C17orf67: variants seen among roughly 807,000 people sequenced by gnomAD.
C17orf67 encodes the protein uncharacterized protein C17orf67.
C17orf67 carries 12 observed loss-of-function variants against 11.2 expected under a neutral mutation model. The ratio of observed to expected loss-of-function variants is 1.07; its 90% CI spans 0.68 to 1.73. The LOEUF is 1.73. C17orf67 is among the 40% of genes most tolerant of loss of function. The pLI is 0.00. For synonymous variants in C17orf67, 59 were observed against 46.9 expected, an observed-to-expected ratio of 1.26 and a Z score of -1.05; for missense variants, 115 against 113.5, an observed-to-expected ratio of 1.01 and a Z score of -0.06.
In C17orf67 at chr17:56,832,962, A is replaced by G. The variant is rs561634133; in HGVS notation, c.-621T>C. On this transcript the variant is annotated 5_prime_UTR_variant, in exon 2 of 8. Transcript: ENST00000397861. Reference sequence around the variant, plus strand: ...TATGTCTTCTCTAATCGTTTGGAAGATATTATCAAGTATTTCTTTGCAGTT... The same window carrying G: ...TATGTCTTCTCTAATCGTTTGGAAGGTATTATCAAGTATTTCTTTGCAGTT... The G allele has an allele frequency of 2.6e-5, 4 of 152,354 alleles. No individual in the cohort carries two copies. Among genetic ancestry groups the G allele is most frequent in the South Asian group, 2.1e-4 (1 of 4,830 alleles). The allele number at this position is 152,354 out of a possible 1,614,324, so 9.4% of individuals were successfully genotyped here. A position where few individuals can be genotyped will look rare whatever the true frequency, so the allele number is the denominator to read the frequency against.
intron 6 of C17orf67, among the ~76,000 whole-genome samples, chr17:56,813,077 C>T (rs1410962353): frequency 6.6e-6 from 1 of 152,198 alleles, no homozygotes; most frequent in Non-Finnish European, 1.5e-5. Context: ...GCCTCTCGAG[C>T]ACCTTGAGCA....
chr17:56,827,938 G>A (rs1395973376), intron 2 of C17orf67, among the ~76,000 whole-genome samples: 2 of 152,132 alleles, frequency 1.3e-5, no homozygotes, highest in Non-Finnish European at 2.9e-5. Flanking sequence ...CGGTCGCAGT[G>A]GCTCACACCT....
intron 6 of C17orf67, among the ~76,000 whole-genome samples, chr17:56,807,264 A>G (rs1905475055): frequency 1.3e-5 from 2 of 152,220 alleles, no homozygotes; most frequent in South Asian, 4.1e-4. Context: ...GAAAGTGGAA[A>G]CCAAGTGAGC....
At position 56,810,159 on chromosome 17, in the gene C17orf67, C is replaced by A. The variant is rs552350259; in HGVS notation, c.156+4710G>T. 1.3e-3 allele frequency among the ~76,000 whole-genome samples: 195 copies of A among 146,836 alleles called. 1 individual carries two copies. Among genetic ancestry groups the A allele is most frequent in the African/African-American group, 4.7e-3 (187 of 39,532 alleles). On this transcript the variant is annotated intron_variant, in intron 6 of 7. Transcript: ENST00000397861. ...ACCCCTCACGCACACCCCTCACACC[C>A]CCACCTCACACACACTCCTTGAACA...
At chr17:56,819,918 T>C (rs1474020685) in intron 4 of C17orf67, among the ~76,000 whole-genome samples, 1 of 152,178 alleles carries the variant, frequency 6.6e-6, no homozygotes, top group Non-Finnish European at 1.5e-5. Context: ...CTAAGGTTAA[T>C]TATTCAAGAA....
intron 6 of C17orf67, among the ~76,000 whole-genome samples, chr17:56,802,750 T>C (rs1413637666): frequency 1.3e-5 from 2 of 152,250 alleles, no homozygotes; most frequent in Non-Finnish European, 2.9e-5. Flanking sequence ...GGAGAGCATC[T>C]TTCCCAGGAA....
chr17:56,808,532 C>T (rs898168177), intron 6 of C17orf67, among the ~76,000 whole-genome samples: 5 of 152,144 alleles, frequency 3.3e-5, no homozygotes, highest in African/African-American at 1.2e-4. Context: ...CCTTGCCTTC[C>T]TTCATCTAGG....
At chr17:56,828,520 C>A (rs928770229) in intron 2 of C17orf67, among the ~76,000 whole-genome samples, 5 of 152,136 alleles carry the variant, frequency 3.3e-5, no homozygotes, top group African/African-American at 1.2e-4. Context: ...TTATTCAAAA[C>A]TTTTTTGATG....
At position 56,821,321 on chromosome 17, in the gene C17orf67, A is replaced by G. The variant is rs539888983; in HGVS notation, c.-201+3418T>C. ...CTCCATATTTGCTTTCATCTTTTTT[A>G]CTGTCTACCTCACATGTACATTGTA... On this transcript the variant is annotated intron_variant, in intron 4 of 7. Transcript: ENST00000397861. 3.3e-5 allele frequency among the ~76,000 whole-genome samples: 5 copies of G among 152,264 alleles called. No homozygotes were observed. The East Asian group carries it at 7.7e-4, about 23-fold the overall frequency.
chr17:56,799,984 G>T (rs200774992), intron 6 of C17orf67, among the ~76,000 whole-genome samples: 1 of 140,360 alleles, frequency 7.1e-6, no homozygotes, highest in Admixed American at 7.1e-5. Flanking sequence ...TTAAAGTCAT[G>T]AAAAAAAAAA....
At chr17:56,800,395 C>T (rs1401675456) in intron 6 of C17orf67, among the ~76,000 whole-genome samples, 3 of 152,278 alleles carry the variant, frequency 2.0e-5, no homozygotes, top group Middle Eastern at 3.4e-3. Flanking sequence ...AATTTACCCA[C>T]GTTGCTTCTT....
intron 6 of C17orf67, among the ~76,000 whole-genome samples, chr17:56,799,572 A>G (rs1026653218): frequency 6.6e-6 from 1 of 152,068 alleles, no homozygotes; most frequent in Non-Finnish European, 1.5e-5. Context: ...TAAGTTTTCA[A>G]CTCCTTTGGG....
At chr17:56,816,073 T>C (rs1905755828) in intron 4 of C17orf67, 63 bp from the exon 5 acceptor site, 1 of 467,822 alleles carries the variant, frequency 2.1e-6, no homozygotes, top group Non-Finnish European at 3.7e-6. Flanking sequence ...AAAAGCAACA[T>C]GTGATATTCA....
rs561684412 is a variant in C17orf67, at chr17:56,810,156, AC to A, written c.156+4712del. On this transcript the variant is annotated intron_variant, in intron 6 of 7. Coordinates refer to ENST00000397861, the MANE Select transcript of C17orf67 (RefSeq NM_001085430.4). ...CAGACCCCTCACGCACACCCCTCACACCCCCACCTCACACACACTCCTTGAA... is the reference window on the plus strand; with the variant it reads ...CAGACCCCTCACGCACACCCCTCACACCCCACCTCACACACACTCCTTGAA... Among the ~76,000 whole-genome samples, 188 of 102,358 alleles carry A rather than the reference AC, an allele frequency of 1.8e-3. 1 individual carries two copies. The highest frequency in any genetic ancestry group is 6.9e-3 in the African/African-American group (180 of 25,944). The allele number at this position is 102,358 out of a possible 152,430, so 67.2% of individuals were successfully genotyped here. A position where few individuals can be genotyped will look rare whatever the true frequency, so the allele number is the denominator to read the frequency against.
chr17:56,801,876 T>G (rs1597989048), intron 6 of C17orf67, among the ~76,000 whole-genome samples: 1 of 152,206 alleles, frequency 6.6e-6, no homozygotes, highest in South Asian at 2.1e-4. Context: ...AGCAGCACAC[T>G]GAAGGAACCC....
At position 56,825,102 on chromosome 17, in the gene C17orf67, T is replaced by C. The variant is rs1238704903; in HGVS notation, c.-337A>G. 2.0e-5 allele frequency: 3 copies of C among 152,268 alleles called. No homozygotes were observed. The highest frequency in any genetic ancestry group is 7.2e-5 in the African/African-American group (3 of 41,472). 9.4% of individuals were successfully genotyped at this position (152,268 alleles called of 1,614,324 possible). A position where few individuals can be genotyped will look rare whatever the true frequency, so the allele number is the denominator to read the frequency against. ...TTACCTAGGGAACTTGTTAAGAAGT[T>C]AGATTCCTAGCTCCACTTCATATTC... is the stretch of plus-strand genomic sequence containing the variant. On this transcript the variant is annotated 5_prime_UTR_variant, in exon 3 of 8. Coordinates refer to ENST00000397861, the MANE Select transcript of C17orf67 (RefSeq NM_001085430.4).
intron 2 of C17orf67, among the ~76,000 whole-genome samples, chr17:56,827,103 A>C (rs1251799947): frequency 6.6e-6 from 1 of 152,252 alleles, no homozygotes; most frequent in East Asian, 1.9e-4. Context: ...CCCATTCTTT[A>C]GTATATAACA....
chr17:56,815,080 A>C (rs1414605919), intron 5 of C17orf67, 111 bp from the exon 6 acceptor site: 2 of 905,314 alleles, frequency 2.2e-6, no homozygotes, highest in Admixed American at 3.5e-5. Flanking sequence ...AAAACATGAA[A>C]GTTCTTTCCC....
intron 6 of C17orf67, among the ~76,000 whole-genome samples, chr17:56,809,765 C>A (rs562003929): frequency 6.9e-4 from 102 of 147,472 alleles, no homozygotes; most frequent in South Asian, 8.9e-4. Flanking sequence ...ACACACACCC[C>A]TCTACACACA....
Sources: gnomAD v4.1 joint callset for allele counts (sites outside exome capture counted in the v4.1 genomes callset) on GRCh38, gnomAD v4.1.1 for gene constraint, MANE v1.5 for transcripts, NCBI Gene and HGNC (gene_info 2026-07-23, HGNC 2026-07-21) for gene names.